The following ZNF628 variants were observed in gnomAD, a reference collection of about 807,000 sequenced individuals.
The protein encoded by ZNF628 is zinc finger protein Zec.
ZNF628 carries 3 observed loss-of-function variants against 2.5 expected under a neutral mutation model. That is an observed-to-expected ratio of 1.19 (90% CI 0.54 to 3.07). The LOEUF (loss-of-function observed/expected upper bound fraction) is 3.07, where lower values mean the gene tolerates loss of function less well. Among genes scored for constraint, ZNF628 ranks in the 30% most tolerant of loss-of-function variants. ZNF628 has a pLI of 0.03. For synonymous variants in ZNF628, 861 were observed against 717.1 expected, an observed-to-expected ratio of 1.20 and a Z score of -3.21; for missense variants, 1,610 against 1,517.1, an observed-to-expected ratio of 1.06 and a Z score of -1.02.
chr19:55,482,887 C>T lies in ZNF628; in HGVS notation c.1694C>T (p.Pro565Leu). The change falls in exon 3 of 3, where the codon CCC (proline) becomes CTC (leucine). Residue 565 changes from proline to leucine, a missense_variant. Pro to Leu is a moderately conservative substitution (Grantham distance 98, BLOSUM62 -3). Coordinates refer to ENST00000598519, the MANE Select transcript of ZNF628 (RefSeq NM_033113.3). ...CGCCACGTGCACACTGGCGAGAGGC[C>T]CCACGCCTGCGGTGTCTGCGGCAAG... ...RHRHVHTGER[P>L]HACGVCGKSF... 1 of 1,603,846 alleles carries T rather than the reference C, an allele frequency of 6.2e-7. No individual in the cohort carries two copies. Among genetic ancestry groups the T allele is most frequent in the East Asian group, 2.2e-5 (1 of 44,642 alleles).
rs865820852 is a variant in ZNF628 at position 55,484,278 on chromosome 19, G to A, written c.3085G>A (p.Ala1029Thr). ...CTCCCAGATGGTGCAAGTGGTCCCC[G>A]CAGGAGCTGGGCCTGGTGTTATGAC... ...PASQMVQVVP[A>T]GAGPGVMTPQ... is the part of the protein sequence containing the mutation. Residue 1029 changes from alanine to threonine, a missense_variant, in exon 3 of 3, where the codon GCA becomes ACA. Ala to Thr is a moderately conservative substitution (Grantham distance 58). Transcript: ENST00000598519. 28 of 1,543,438 alleles carry A rather than the reference G, an allele frequency of 1.8e-5. No homozygotes were observed. Among genetic ancestry groups the A allele is most frequent in the Non-Finnish European group, 2.4e-5 (27 of 1,143,482 alleles).
intron 1 of ZNF628, among the ~76,000 whole-genome samples, chr19:55,477,062 T>G (rs1986569310): frequency 6.6e-6 from 1 of 152,144 alleles, no homozygotes; most frequent in African/African-American, 2.4e-5. Context: ...TAAAAGGCGG[T>G]TATCTCATTA....
rs893734852 is a variant in ZNF628 at position 55,481,882 on chromosome 19, C to T, written c.689C>T (p.Pro230Leu). 32 of 1,525,706 alleles carry T rather than the reference C, an allele frequency of 2.1e-5. No individual in the cohort carries two copies. Among genetic ancestry groups the T allele is most frequent in the Non-Finnish European group, 2.8e-5 (32 of 1,139,374 alleles). 94.5% of individuals were successfully genotyped at this position (1,525,706 alleles called of 1,614,324 possible). A position where few individuals can be genotyped will look rare whatever the true frequency, so the allele number is the denominator to read the frequency against. The part of the protein sequence containing the change: ...LLHQRTHGAA[P>L]APGTASAAPP... ...CACCAGCGCACGCACGGCGCCGCCC[C>T]CGCCCCGGGTACCGCCTCCGCGGCC... The change falls in exon 3 of 3, where the codon CCC becomes CTC. Residue 230 changes from proline (P) to leucine (L), a missense_variant. By Grantham distance (98) the Pro-to-Leu change is moderately conservative. This residue lies in a region of ZNF628 where 651 missense variants were observed against 575.6 expected (regional missense o/e 1.13). Coordinates refer to ENST00000598519, the MANE Select transcript of ZNF628 (RefSeq NM_033113.3).
At position 55,483,934 on chromosome 19, in the gene ZNF628, C is replaced by G; in HGVS notation, c.2741C>G (p.Ala914Gly). Residue 914 changes from alanine to glycine, a missense_variant, in exon 3 of 3, where the codon GCC becomes GGC. Physicochemically the swap from Ala to Gly is moderately conservative, Grantham distance 60. Around this residue, in one of 5 missense-constraint regions of ZNF628, gnomAD observed 712 missense variants for 603.6 expected, o/e 1.18. Transcript: ENST00000598519. ...PGPGEAGDGE[A>G]STGVVQDVLF... ...CCCGGGGAGGCGGGGGATGGCGAGG[C>G]CAGCACTGGTGTGGTCCAGGATGTC... is the stretch of plus-strand genomic sequence containing the variant. 6.3e-7 allele frequency: 1 copy of G among 1,575,018 alleles called. No homozygotes were observed. Among genetic ancestry groups the G allele is most frequent in the Non-Finnish European group, 8.6e-7 (1 of 1,159,612 alleles).
rs146432627 is a variant in ZNF628 at position 55,481,457 on chromosome 19, C to T, written c.264C>T (p.Gly88=). The T allele has an allele frequency of 2.1e-5, 34 of 1,612,754 alleles. No individual in the cohort carries two copies. The Admixed American group carries it at 2.3e-4, about 11-fold the overall frequency. The change falls in exon 3 of 3, where the codon GGC becomes GGT. Residue 88 remains glycine, a synonymous_variant. Transcript: ENST00000598519. ...ALLYHQRGHT[G]ERPYQCPDCP... ...TCTACCACCAGCGAGGCCACACGGGCGAGCGGCCCTACCAGTGCCCCGACT... is the reference window on the plus strand; with the variant it reads ...TCTACCACCAGCGAGGCCACACGGGTGAGCGGCCCTACCAGTGCCCCGACT...
Position 55,484,346 on chromosome 19 carries a change from C to A in ZNF628, c.3153C>A (p.Pro1051=). ...LPSIQIVQTL[P]AVQLVHTF ...CCATCCAGATTGTCCAGACTCTACC[C>A]GCAGTCCAGCTGGTGCACACGTTTT... Residue 1051 remains proline, a synonymous_variant, in exon 3 of 3, where the codon CCC becomes CCA. Transcript: ENST00000598519. 6.8e-7 allele frequency: 1 copy of A among 1,460,900 alleles called. No homozygotes were observed. The highest frequency in any genetic ancestry group is 9.1e-7 in the Non-Finnish European group (1 of 1,102,684). The allele number at this position is 1,460,900 out of a possible 1,614,324, so 90.5% of individuals were successfully genotyped here.
At position 55,482,050 on chromosome 19, in the gene ZNF628, C is replaced by T; in HGVS notation, c.857C>T (p.Ala286Val). 4.0e-6 allele frequency: 6 copies of T among 1,485,188 alleles called. No individual in the cohort carries two copies. The South Asian group carries it at 4.9e-5, about 12-fold the overall frequency. 92.0% of individuals were successfully genotyped at this position (1,485,188 alleles called of 1,614,324 possible). Residue 286 changes from alanine to valine, a missense_variant, in exon 3 of 3, where the codon GCG (alanine) becomes GTG (valine). By Grantham distance (64) the Ala-to-Val change is moderately conservative (BLOSUM62 0). This residue lies in a region of ZNF628 where 651 missense variants were observed against 575.6 expected (regional missense o/e 1.13). Transcript: ENST00000598519. ...PPVVPELFLAAAETTVELVYR... is the reference protein window; with the variant it reads ...PPVVPELFLAVAETTVELVYR... ...GTGGTGCCTGAGCTCTTTTTGGCGG[C>T]GGCGGAGACCACGGTGGAGCTGGTG...
Position 55,483,139 on chromosome 19 carries a change from C to G in ZNF628, c.1946C>G (p.Thr649Arg). 1.3e-6 allele frequency: 2 copies of G among 1,581,552 alleles called. No homozygotes were observed. Among genetic ancestry groups the G allele is most frequent in the Non-Finnish European group, 1.7e-6 (2 of 1,170,412 alleles). The change falls in exon 3 of 3, where the codon ACG (threonine) becomes AGG (arginine). Residue 649 changes from threonine to arginine, a missense_variant. Around this residue, in one of 5 missense-constraint regions of ZNF628, gnomAD observed 712 missense variants for 603.6 expected, o/e 1.18. Transcript: ENST00000598519. ...CTGAGGACGCACGCCCCGGCCAACA[C>G]GCCTCCCAGCACCACAGCCCCTGCC... is the stretch of plus-strand genomic sequence containing the variant. ...RHLRTHAPAN[T>R]PPSTTAPAAG...
Position 55,482,829 on chromosome 19 carries a change from G to A in ZNF628, c.1636G>A (p.Ala546Thr), listed in dbSNP as rs752284067. 6 of 1,610,678 alleles carry A rather than the reference G, an allele frequency of 3.7e-6. No homozygotes were observed. In the South Asian group the frequency reaches 5.5e-5, roughly 15 times the overall value. ...RPYACGECGKAFRNTSCLRRH... is the reference protein window; with the variant it reads ...RPYACGECGKTFRNTSCLRRH... ...CTACGCCTGCGGGGAGTGTGGCAAGGCCTTCCGCAACACGTCGTGCCTGCG... is the reference window on the plus strand; with the variant it reads ...CTACGCCTGCGGGGAGTGTGGCAAGACCTTCCGCAACACGTCGTGCCTGCG... Residue 546 changes from alanine to threonine, a missense_variant, in exon 3 of 3, where the codon GCC becomes ACC. Physicochemically the swap from Ala to Thr is moderately conservative, Grantham distance 58. Coordinates refer to ENST00000598519, the MANE Select transcript of ZNF628 (RefSeq NM_033113.3).
In ZNF628 at chr19:55,482,588, C is replaced by T. The variant is rs1258592243; in HGVS notation, c.1395C>T (p.Gly465=). 35 of 1,588,042 alleles carry T rather than the reference C, an allele frequency of 2.2e-5. No individual in the cohort carries two copies. The highest frequency in any genetic ancestry group is 3.0e-5 in the Non-Finnish European group (35 of 1,167,220). Residue 465 remains glycine, a synonymous_variant, in exon 3 of 3, where the codon GGC becomes GGT. Coordinates refer to ENST00000598519, the MANE Select transcript of ZNF628 (RefSeq NM_033113.3). ...CCGAGTGCGGCAAGTCCTTCAAGGG[C>T]TCCTCCGGGCTGCGCTACCACCTGC... ...KCAECGKSFK[G]SSGLRYHLRD...
rs1364202954 is a variant in ZNF628, at chr19:55,484,164, A to G, written c.2971A>G (p.Thr991Ala). 6.4e-7 allele frequency: 1 copy of G among 1,570,094 alleles called. No individual in the cohort carries two copies. The highest frequency in any genetic ancestry group is 1.2e-5 in the South Asian group (1 of 85,312). The stretch of plus-strand genomic sequence containing the variant: ...CACTGAGCTGCTGGACAGCAGCAAC[A>G]CTGGAGGAGGCACCGCCACGCTGCA... ...PATELLDSSN[T>A]GGGTATLQLL... The change falls in exon 3 of 3, where the codon ACT becomes GCT. Residue 991 changes from threonine (T) to alanine (A), a missense_variant. This residue lies in a region of ZNF628 where 712 missense variants were observed against 603.6 expected (regional missense o/e 1.18). Transcript: ENST00000598519.
At position 55,483,527 on chromosome 19, in the gene ZNF628, C is replaced by T. The variant is rs535052306; in HGVS notation, c.2334C>T (p.Gly778=). The change falls in exon 3 of 3, where the codon GGC becomes GGT. Residue 778 remains glycine (G), a synonymous_variant. Transcript: ENST00000598519. ...GQGAGVVWLP[G]PGGLGVQGAA... is the part of the protein sequence containing the mutation. ...GGGCGGGAGTGGTCTGGCTGCCAGG[C>T]CCTGGGGGTCTAGGGGTGCAGGGAG... is the stretch of plus-strand genomic sequence containing the variant. 7.8e-5 allele frequency: 122 copies of T among 1,569,010 alleles called. No individual in the cohort carries two copies. The African/African-American group carries it at 1.1e-3, about 14-fold the overall frequency.
chr19:55,483,098 C>T lies in ZNF628; in HGVS notation c.1905C>T (p.Ala635=), dbSNP rs1437789293. ...PICGRGFVMA[A]YLQRHLRTHA... is the part of the protein sequence containing the mutation. The stretch of plus-strand genomic sequence containing the variant: ...GCGGTCGCGGCTTCGTTATGGCCGC[C>T]TATCTGCAGCGGCACCTGAGGACGC... Residue 635 remains alanine, a synonymous_variant, in exon 3 of 3, where the codon GCC becomes GCT. Transcript: ENST00000598519. 6.2e-7 allele frequency: 1 copy of T among 1,605,112 alleles called. No individual in the cohort carries two copies. The highest frequency in any genetic ancestry group is 8.5e-7 in the Non-Finnish European group (1 of 1,178,982).
Position 55,481,684 on chromosome 19 carries a change from G to A in ZNF628, c.491G>A (p.Arg164Gln), listed in dbSNP as rs780017308. Residue 164 changes from arginine to glutamine, a missense_variant, in exon 3 of 3, where the codon CGG becomes CAG. Transcript: ENST00000598519. ...GCCTTCAAGAACTCGTCCAGCCTGC[G>A]GCGCCACCGCCACGTGCACACCGGC... ...PKAFKNSSSL[R>Q]RHRHVHTGER... is the part of the protein sequence containing the mutation. The A allele has an allele frequency of 2.5e-6, 4 of 1,610,028 alleles. No homozygotes were observed. The highest frequency in any genetic ancestry group is 1.7e-5 in the Admixed American group (1 of 59,716).
In ZNF628 at chr19:55,481,399, G is replaced by GC. The variant is rs765045144; in HGVS notation, c.210dup (p.Lys71GlnfsTer42). On this transcript the variant is annotated frameshift_variant, in exon 3 of 3. Transcript: ENST00000598519. LOFTEE classifies it low-confidence loss of function (END_TRUNC). ...GAGCGGCCCTACAAGTGCCCAGACT[G>GC]CCCCAAGGCTTTCAAAGGCTCCTCG... The GC allele has an allele frequency of 3.7e-6, 6 of 1,612,868 alleles. No individual in the cohort carries two copies. Among genetic ancestry groups the GC allele is most frequent in the Non-Finnish European group, 5.1e-6 (6 of 1,179,702 alleles).
intron 1 of ZNF628, among the ~76,000 whole-genome samples, chr19:55,477,200 A>C (rs1406574787): frequency 6.6e-6 from 1 of 152,144 alleles, no homozygotes. Flanking sequence ...CTTAAAGGGG[A>C]GGTCCAGCCT....
Position 55,481,870 on chromosome 19 carries a change from A to G in ZNF628, c.677A>G (p.His226Arg). 1.3e-6 allele frequency: 2 copies of G among 1,560,026 alleles called. No homozygotes were observed. Among genetic ancestry groups the G allele is most frequent in the Non-Finnish European group, 1.7e-6 (2 of 1,155,550 alleles). Residue 226 changes from histidine to arginine, a missense_variant, in exon 3 of 3, where the codon CAC (histidine) becomes CGC (arginine). By Grantham distance (29) the His-to-Arg change is conservative. This residue lies in a region of ZNF628 where 651 missense variants were observed against 575.6 expected (regional missense o/e 1.13). Transcript: ENST00000598519. ...AACCTGCTGCTGCACCAGCGCACGC[A>G]CGGCGCCGCCCCCGCCCCGGGTACC... ...SSNLLLHQRTHGAAPAPGTAS... is the reference protein window; with the variant it reads ...SSNLLLHQRTRGAAPAPGTAS...
Position 55,482,303 on chromosome 19 carries a change from G to A in ZNF628, c.1110G>A (p.Gly370=), listed in dbSNP as rs750574209. The change falls in exon 3 of 3, where the codon GGG becomes GGA. Residue 370 remains glycine (G), a synonymous_variant. Transcript: ENST00000598519. ...PCGKSFRTVA[G]LSRHQHSHGA... ...GCAAGTCCTTCCGGACGGTGGCTGGGCTCTCCCGCCACCAGCACAGCCACG... is the reference window on the plus strand; with the variant it reads ...GCAAGTCCTTCCGGACGGTGGCTGGACTCTCCCGCCACCAGCACAGCCACG... 22 of 1,469,410 alleles carry A rather than the reference G, an allele frequency of 1.5e-5. No homozygotes were observed. Among genetic ancestry groups the A allele is most frequent in the Non-Finnish European group, 2.0e-5 (22 of 1,116,560 alleles). 91.0% of individuals were successfully genotyped at this position (1,469,410 alleles called of 1,614,324 possible).
Position 55,482,158 on chromosome 19 carries a change from CGCCCCA to C in ZNF628, c.973_978del (p.Pro325_Gln326del), listed in dbSNP as rs1007677827. On this transcript the variant is annotated inframe_deletion, in exon 3 of 3. Transcript: ENST00000598519. ...CAGCCGTGCCCCGGGCCCGATGCGG[CGCCCCA>C]GCCCCAGGAGGCACCCGCCGAGGCG... 4.7e-6 allele frequency: 7 copies of C among 1,497,742 alleles called. No homozygotes were observed. The African/African-American group carries it at 8.7e-5, about 19-fold the overall frequency. 92.8% of individuals were successfully genotyped at this position (1,497,742 alleles called of 1,614,324 possible).
Sources: allele counts gnomAD v4.1 joint callset (sites outside exome capture counted in the v4.1 genomes callset), GRCh38; gene constraint gnomAD v4.1.1; regional missense constraint gnomAD v4.1.1; transcripts MANE v1.5; gene names NCBI Gene and HGNC (gene_info 2026-07-23, HGNC 2026-07-21).